GRB10: variants seen among roughly 807,000 people sequenced by gnomAD.
GRB10 encodes the protein growth factor receptor-bound protein 10.
Under a neutral mutation model 80.9 loss-of-function variants are expected in GRB10, and 20 were observed. The ratio of observed to expected loss-of-function variants is 0.25; its 90% CI spans 0.17 to 0.36. GRB10 has a LOEUF of 0.36. Among genes scored for constraint, GRB10 ranks in the 10% least tolerant of loss-of-function variants. GRB10 has a pLI of 1.00. For synonymous variants in GRB10, 291 were observed against 291.5 expected (o/e 1.00, Z 0.02); for missense variants, 548 against 747.7 (o/e 0.73, Z 3.12).
chr7:50,672,108 C>A (rs577804631), intron 6 of GRB10, among the ~76,000 whole-genome samples: 2 of 152,320 alleles, frequency 1.3e-5, no homozygotes, highest in African/African-American at 4.8e-5. Context: ...ATCGGCTTTC[C>A]TATGTGCAAA....
At chr7:50,662,392 A>G (rs2153630083) in intron 7 of GRB10, among the ~76,000 whole-genome samples, 1 of 152,348 alleles carries the variant, frequency 6.6e-6, no homozygotes, top group Non-Finnish European at 1.5e-5. Context: ...TCAGAATTGG[A>G]TGCTAAGCTC....
chr7:50,657,131 T>A (rs1369946387), intron 7 of GRB10, among the ~76,000 whole-genome samples: 3 of 152,236 alleles, frequency 2.0e-5, no homozygotes, highest in Admixed American at 2.0e-4. Context: ...ACTTATGAGA[T>A]GTTAAATAAC....
At chr7:50,721,151 C>A (rs1587461785) in intron 4 of GRB10, among the ~76,000 whole-genome samples, 1 of 152,200 alleles carries the variant, frequency 6.6e-6, no homozygotes, top group South Asian at 2.1e-4. Context: ...ATACAGTAGT[C>A]CCCCCCTTAT....
intron 1 of GRB10, among the ~76,000 whole-genome samples, chr7:50,791,604 G>C (rs1243191117): frequency 6.6e-6 from 1 of 152,200 alleles, no homozygotes; most frequent in Non-Finnish European, 1.5e-5. Flanking sequence ...CAAGGCTTTT[G>C]AAAGTGCCTT....
At chr7:50,626,719 C>A in intron 8 of GRB10, 103 bp downstream of exon 8, 1 of 1,336,238 alleles carries the variant, frequency 7.5e-7, no homozygotes, top group South Asian at 1.2e-5. Context: ...GCTAATTTCG[C>A]AGGGGACACT....
At chr7:50,755,768 T>G (rs2074982957) in intron 3 of GRB10, 119 bp downstream of exon 3, 1 of 397,558 alleles carries the variant, frequency 2.5e-6, no homozygotes, top group Non-Finnish European at 4.4e-6. Flanking sequence ...GAATAAAGGT[T>G]CTAGTATCAG....
chr7:50,729,220 T>A lies in GRB10; in HGVS notation c.51+3052A>T, dbSNP rs564136910. 191 of 152,344 alleles carry A rather than the reference T, an allele frequency of 1.3e-3. 1 individual carries two copies. Among genetic ancestry groups the A allele is most frequent in the African/African-American group, 4.4e-3 (183 of 41,582 alleles). The allele number at this position is 152,344 out of a possible 1,614,324, so 9.4% of individuals were successfully genotyped here. A position where few individuals can be genotyped will look rare whatever the true frequency, so the allele number is the denominator to read the frequency against. On this transcript the variant is annotated intron_variant, in intron 4 of 18. Transcript: ENST00000401949. ...AAGATGGCTCATTTCTAAGCATGAT[T>A]GTTTTTAATTCAGAAATCAGAAAAC...
intron 7 of GRB10, among the ~76,000 whole-genome samples, chr7:50,632,400 TC>T (rs1200462935): frequency 2.0e-5 from 3 of 152,106 alleles, no homozygotes; most frequent in Non-Finnish European, 4.4e-5. Flanking sequence ...TGAGGCCTGG[TC>T]TCAGCTCCCC....
At chr7:50,665,614 C>T (rs985166132) in intron 7 of GRB10, among the ~76,000 whole-genome samples, 15 of 152,196 alleles carry the variant, frequency 9.9e-5, no homozygotes, top group Middle Eastern at 3.2e-3. Flanking sequence ...AGCTGCAGGG[C>T]GGGTGCCACC....
At chr7:50,730,269 T>C (rs895615087) in intron 4 of GRB10, among the ~76,000 whole-genome samples, 1 of 152,204 alleles carries the variant, frequency 6.6e-6, no homozygotes, top group Non-Finnish European at 1.5e-5. Flanking sequence ...GTGCATATTT[T>C]AAAAATCACA....
At chr7:50,717,405 C>T (rs10486758) in intron 4 of GRB10, among the ~76,000 whole-genome samples, 10,994 of 152,250 alleles carry the variant, frequency 0.072, 632 homozygotes, top group South Asian at 0.12. Flanking sequence ...GCTCCTAATG[C>T]TGCCACCGCA....
At chr7:50,610,392 T>C (rs62447515) in intron 13 of GRB10, among the ~76,000 whole-genome samples, 192 of 152,358 alleles carry the variant, frequency 1.3e-3, no homozygotes, top group Non-Finnish European at 2.1e-3. Context: ...GCCACCTTCC[T>C]GTCAGGTCTG....
chr7:50,644,783 G>A (rs1006586780), intron 7 of GRB10, among the ~76,000 whole-genome samples: 1 of 152,228 alleles, frequency 6.6e-6, no homozygotes, highest in African/African-American at 2.4e-5. Context: ...GAGCAGGGCT[G>A]TCCTGTCTGC....
chr7:50,604,517 AC>A (rs2048181104), intron 15 of GRB10, 140 bp from the exon 16 acceptor site: 1 of 759,358 alleles, frequency 1.3e-6, no homozygotes, highest in South Asian at 1.4e-5. Context: ...TGAAGACCCC[AC>A]TGACCCCTGA....
chr7:50,697,265 C>G (rs1325041731), intron 5 of GRB10, among the ~76,000 whole-genome samples: 1 of 152,174 alleles, frequency 6.6e-6, no homozygotes, highest in East Asian at 1.9e-4. Flanking sequence ...ACTTAATGTA[C>G]ACTTATACAA....
chr7:50,730,407 T>C (rs1469719117), intron 4 of GRB10, among the ~76,000 whole-genome samples: 1 of 152,202 alleles, frequency 6.6e-6, no homozygotes, highest in Non-Finnish European at 1.5e-5. Flanking sequence ...ACTCTGGAGA[T>C]TTATCTAATT....
At chr7:50,690,499 G>A (rs1037825619) in intron 5 of GRB10, among the ~76,000 whole-genome samples, 1 of 152,132 alleles carries the variant, frequency 6.6e-6, no homozygotes, top group African/African-American at 2.4e-5. Flanking sequence ...TTCTTTCTAA[G>A]TTGTACTCTG....
Position 50,732,386 on chromosome 7 carries a change from T to C in GRB10, c.-46-18A>G. The C allele has an allele frequency of 1.4e-6, 2 of 1,446,850 alleles. No individual in the cohort carries two copies. Among genetic ancestry groups the C allele is most frequent in the East Asian group, 2.3e-5 (1 of 44,118 alleles). 89.6% of individuals were successfully genotyped at this position (1,446,850 alleles called of 1,614,324 possible). A position where few individuals can be genotyped will look rare whatever the true frequency, so the allele number is the denominator to read the frequency against. ...TGCAGCACCTGGAATAAAGACAGAC[T>C]GTGAGAAGCCAAGCCAGAAAAAAAA... On this transcript the variant is annotated intron_variant, in intron 3 of 18. Transcript: ENST00000401949.
chr7:50,661,921 G>T (rs1416987478), intron 7 of GRB10, among the ~76,000 whole-genome samples: 1 of 152,244 alleles, frequency 6.6e-6, no homozygotes, highest in Non-Finnish European at 1.5e-5. Context: ...TGTGGTGGCT[G>T]CTGTCTCCGG....
Sources: gnomAD v4.1 joint callset for allele counts (sites outside exome capture counted in the v4.1 genomes callset) on GRCh38, gnomAD v4.1.1 for gene constraint, MANE v1.5 for transcripts, NCBI Gene and HGNC (gene_info 2026-07-23, HGNC 2026-07-21) for gene names.